Variants in FANCC observed in about 807,000 individuals in gnomAD.
FANCC encodes Fanconi anemia group C protein.
In FANCC, 55 loss-of-function variants were observed where a neutral mutation model predicts 71.3. The ratio of observed to expected loss-of-function variants is 0.77; its 90% CI spans 0.62 to 0.97. The LOEUF is 0.97. Ranked by LOEUF, FANCC falls within the 50% of genes least tolerant of loss-of-function variation. FANCC has a pLI of 0.00. For missense variants in FANCC, 678 were observed against 670.9 expected, an observed-to-expected ratio of 1.01 and a Z score of -0.12; for synonymous variants, 275 against 244.9, an observed-to-expected ratio of 1.12 and a Z score of -1.15.
intron 13 of FANCC, chr9:95,110,863 CTT>C: frequency 8.4e-7 from 1 of 1,193,842 alleles, no homozygotes; most frequent in Non-Finnish European, 1.0e-6. Flanking sequence ...TAACAACTGT[CTT>C]TGCCACAGAC....
At position 95,283,981 on chromosome 9, in the gene FANCC, G is replaced by T. The variant is rs1833524250; in HGVS notation, c.-79+33545C>A. ...AAAATGGGAAAAACCTAGTAGGGTT[G>T]CTGTGAATAATAAAATACATTAATT... is the stretch of plus-strand genomic sequence containing the variant. On this transcript the variant is annotated intron_variant, in intron 1 of 14. Coordinates refer to ENST00000289081, the MANE Select transcript of FANCC (RefSeq NM_000136.3). 2.0e-5 allele frequency among the ~76,000 whole-genome samples: 3 copies of T among 152,334 alleles called. No homozygotes were observed. The South Asian group carries it at 6.2e-4, about 32-fold the overall frequency.
At chr9:95,249,030 C>A (rs1831165329) in intron 2 of FANCC, 97 bp downstream of exon 2, 1 of 1,343,274 alleles carries the variant, frequency 7.4e-7, no homozygotes, top group South Asian at 1.2e-5. Flanking sequence ...TCAGTCAATA[C>A]CACAAGTCCC....
chr9:95,160,872 T>C (rs1055036544), intron 6 of FANCC, among the ~76,000 whole-genome samples: 2 of 152,262 alleles, frequency 1.3e-5, no homozygotes, highest in Non-Finnish European at 2.9e-5. Context: ...TTTTGCACAC[T>C]GATTTTGTAT....
rs573078967 is a variant in FANCC at position 95,248,681 on chromosome 9, AATAGT to A, written c.165+441_165+445del. On this transcript the variant is annotated intron_variant, in intron 2 of 14. Coordinates refer to ENST00000289081, the MANE Select transcript of FANCC (RefSeq NM_000136.3). ...AAATTTTGAAAATAATAAATTATAT[AATAGT>A]AAAGATACTCAAAATCTTAATATTT... Among the ~76,000 whole-genome samples, 673 of 151,972 alleles carry A rather than the reference AATAGT, an allele frequency of 4.4e-3. 2 individuals carry two copies. The highest frequency in any genetic ancestry group is 7.3e-3 in the Non-Finnish European group (499 of 67,944).
intron 4 of FANCC, among the ~76,000 whole-genome samples, chr9:95,220,044 A>G (rs1829136437): frequency 1.3e-5 from 2 of 152,244 alleles, no homozygotes; most frequent in African/African-American, 2.4e-5. Context: ...AACCCCATCA[A>G]AAAGTGGGCA....
chr9:95,109,544 T>C (rs1011190708), intron 13 of FANCC: 2 of 152,138 alleles, frequency 1.3e-5, no homozygotes, highest in African/African-American at 4.8e-5. Flanking sequence ...TCTGATTCAG[T>C]TGTTGGCAAA....
At chr9:95,291,336 A>C (rs910887146) in intron 1 of FANCC, among the ~76,000 whole-genome samples, 5 of 151,970 alleles carry the variant, frequency 3.3e-5, no homozygotes, top group South Asian at 4.2e-4. Context: ...AATTCCACTA[A>C]AAAAAAACTA....
chr9:95,294,572 T>A, intron 1 of FANCC: 1 of 1,535,026 alleles, frequency 6.5e-7, no homozygotes, highest in South Asian at 1.1e-5. Context: ...ACTGAAGGAA[T>A]CTCCACTGTT....
At chr9:95,127,713 CG>C (rs1826220942) in intron 8 of FANCC, among the ~76,000 whole-genome samples, 1 of 152,154 alleles carries the variant, frequency 6.6e-6, no homozygotes, top group Admixed American at 6.5e-5. Context: ...AGGCCCCCGT[CG>C]GCAAGAAAAA....
At chr9:95,287,299 A>T (rs1833748228) in intron 1 of FANCC, among the ~76,000 whole-genome samples, 1 of 151,972 alleles carries the variant, frequency 6.6e-6, no homozygotes, top group Admixed American at 6.6e-5. Context: ...TGTTGTTTTT[A>T]TCCATATCAA....
At chr9:95,110,963 T>C in intron 13 of FANCC, 1 of 1,400,858 alleles carries the variant, frequency 7.1e-7, no homozygotes, top group East Asian at 2.6e-5. Flanking sequence ...ATCATCTGAT[T>C]ACTTTAGTAA....
At chr9:95,244,972 T>C (rs1190207984) in intron 3 of FANCC, among the ~76,000 whole-genome samples, 1 of 152,128 alleles carries the variant, frequency 6.6e-6, no homozygotes, top group Non-Finnish European at 1.5e-5. Flanking sequence ...ATTAGGTCCA[T>C]TATGTAGCCC....
chr9:95,125,424 A>C (rs1825825250), intron 9 of FANCC, among the ~76,000 whole-genome samples: 2 of 152,204 alleles, frequency 1.3e-5, no homozygotes, highest in Admixed American at 1.3e-4. Flanking sequence ...ATTATTAAGC[A>C]ATGCAAATCC....
At chr9:95,248,958 TAATA>T (rs1831162127) in intron 2 of FANCC, among the ~76,000 whole-genome samples, 165 bp downstream of exon 2, 1 of 152,254 alleles carries the variant, frequency 6.6e-6, no homozygotes, top group Middle Eastern at 3.4e-3. Flanking sequence ...TATAATAATA[TAATA>T]AATCGGAGAC....
chr9:95,307,301 A>G (rs1035143397), intron 1 of FANCC, among the ~76,000 whole-genome samples: 2 of 152,224 alleles, frequency 1.3e-5, no homozygotes, highest in African/African-American at 4.8e-5. Context: ...GCCCAAAGTA[A>G]TGTTAGAAAT....
chr9:95,138,454 G>A (rs1828067645), intron 7 of FANCC, among the ~76,000 whole-genome samples: 1 of 152,252 alleles, frequency 6.6e-6, no homozygotes, highest in African/African-American at 2.4e-5. Flanking sequence ...ACACCCCTGG[G>A]TGTGGAGAGG....
intron 4 of FANCC, among the ~76,000 whole-genome samples, chr9:95,180,414 G>A (rs941368284): frequency 7.2e-6 from 1 of 139,730 alleles, no homozygotes; most frequent in Non-Finnish European, 1.5e-5. Flanking sequence ...ATCACAGTTC[G>A]CTGCAACTTT....
In FANCC at chr9:95,171,130, A is replaced by G. The variant is rs200828924; in HGVS notation, c.470T>C (p.Leu157Ser). 6.2e-7 allele frequency: 1 copy of G among 1,613,270 alleles called. No individual in the cohort carries two copies. The highest frequency in any genetic ancestry group is 1.3e-5 in the African/African-American group (1 of 75,008). The change falls in exon 6 of 15, where the codon TTA (leucine) becomes TCA (serine). Residue 157 changes from leucine to serine, a missense_variant. Transcript: ENST00000289081. The part of the protein sequence containing the change: ...PGLLKNMVLS[L>S]ASELRENHLN... Reference sequence around the variant, plus strand: ...ATGATTCTCTCTGAGTTCAGACGCTAATGATAAAACCATCTGTAAAACAAA... The same window carrying G: ...ATGATTCTCTCTGAGTTCAGACGCTGATGATAAAACCATCTGTAAAACAAA...
Position 95,171,155 on chromosome 9 carries a change from A to G in FANCC, c.457-12T>C. The G allele has an allele frequency of 6.2e-7, 1 of 1,608,326 alleles. No homozygotes were observed. Among genetic ancestry groups the G allele is most frequent in the Non-Finnish European group, 8.5e-7 (1 of 1,174,986 alleles). On this transcript the variant is annotated splice_polypyrimidine_tract_variant and intron_variant, in intron 5 of 14. Transcript: ENST00000289081. ...AATGATAAAACCATCTGTAAAACAA[A>G]ATCAGTTGCAGGTTAACTCACGCTG... is the stretch of plus-strand genomic sequence containing the variant.
Sources: allele counts gnomAD v4.1 joint callset (sites outside exome capture counted in the v4.1 genomes callset), GRCh38; gene constraint gnomAD v4.1.1; transcripts MANE v1.5; gene names NCBI Gene and HGNC (gene_info 2026-07-23, HGNC 2026-07-21).